The following MAST4 variants were observed in gnomAD, a reference collection of about 807,000 sequenced individuals.
MAST4 encodes microtubule-associated serine/threonine-protein kinase 4.
A neutral mutation model predicts 162.7 loss-of-function variants in MAST4; 89 were observed. The ratio of observed to expected loss-of-function variants is 0.55; its 90% CI spans 0.46 to 0.65. MAST4 has a LOEUF of 0.65. MAST4 is among the 30% of genes least tolerant of loss of function. MAST4 has a pLI of 0.00. For missense variants in MAST4, 3,153 were observed against 3,374.0 expected, an observed-to-expected ratio of 0.93 and a Z score of 1.62; for synonymous variants, 1,479 against 1,361.1, an observed-to-expected ratio of 1.09 and a Z score of -1.91.
intron 1 of MAST4, among the ~76,000 whole-genome samples, chr5:66,635,694 C>CTT (rs201432419): frequency 2.1e-5 from 3 of 145,566 alleles, no homozygotes; most frequent in African/African-American, 7.5e-5. Context: ...TTTTCTTTTT[C>CTT]TTTTTTTTTT....
In MAST4 at chr5:67,166,943, CCCAAACACT is replaced by C; in HGVS notation, c.7765_7773del (p.Pro2589_Thr2591del). ...GAGACGTGACCAAGCCATCCCCAGCCCCAAACACTGACCGCCCCATCTCTCTTTCTAATG... is the reference window on the plus strand; with the variant it reads ...GAGACGTGACCAAGCCATCCCCAGCCGACCGCCCCATCTCTCTTTCTAATG... On this transcript the variant is annotated inframe_deletion, in exon 29 of 29. Coordinates refer to ENST00000403625, the MANE Select transcript of MAST4 (RefSeq NM_001164664.2). 1 of 1,612,436 alleles carries C rather than the reference CCCAAACACT, an allele frequency of 6.2e-7. No homozygotes were observed. The highest frequency in any genetic ancestry group is 1.1e-5 in the South Asian group (1 of 90,814).
chr5:66,757,970 G>A (rs1356018898), intron 1 of MAST4, among the ~76,000 whole-genome samples: 1 of 151,990 alleles, frequency 6.6e-6, no homozygotes, highest in Non-Finnish European at 1.5e-5. Flanking sequence ...CTCCTTGGAG[G>A]CCCTCCTAAA....
Position 67,164,413 on chromosome 5 carries a change from C to T in MAST4, c.5234C>T (p.Thr1745Ile). The T allele has an allele frequency of 6.2e-7, 1 of 1,614,036 alleles. No homozygotes were observed. ...ASESRAFVSS[T>I]HAAQMSAVSF... ...GAGAGCCGAGCTTTTGTCAGCAGCA[C>T]CCATGCAGCTCAGATGAGTGCCGTC... The change falls in exon 29 of 29, where the codon ACC (threonine) becomes ATC (isoleucine). Residue 1745 changes from threonine to isoleucine, a missense_variant. Transcript: ENST00000403625. This position sits in a 1 kb window ranked among gnomAD's most constrained non-coding sequence, Gnocchi z 5.3.
chr5:66,959,192 C>G, intron 4 of MAST4: 1 of 778,948 alleles, frequency 1.3e-6, no homozygotes, highest in Non-Finnish European at 2.4e-6. Flanking sequence ...ATCACCGGGA[C>G]GCTGGCAGGG....
rs114289668 is a variant in MAST4 at position 66,725,386 on chromosome 5, A to G, written c.364-34323A>G. 8.7e-3 allele frequency among the ~76,000 whole-genome samples: 1,061 copies of G among 121,646 alleles called. 9 individuals are homozygous for G. The highest frequency in any genetic ancestry group is 0.04 in the African/African-American group (1,021 of 25,828). 79.8% of individuals were successfully genotyped at this position (121,646 alleles called of 152,430 possible). On this transcript the variant is annotated intron_variant, in intron 1 of 28. Coordinates refer to ENST00000403625, the MANE Select transcript of MAST4 (RefSeq NM_001164664.2). ...TGGATGTGCCTATGACTTGTTGTCA[A>G]ATAAAAGCCTCCTTCCCCAAAGAAT...
chr5:66,647,771 C>T (rs1745937306), intron 1 of MAST4, among the ~76,000 whole-genome samples: 1 of 152,026 alleles, frequency 6.6e-6, no homozygotes, highest in South Asian at 2.1e-4. Flanking sequence ...TTGCCACTGG[C>T]AGGCCATAAA....
chr5:67,086,208 C>T (rs1763215835), intron 5 of MAST4, among the ~76,000 whole-genome samples: 1 of 152,164 alleles, frequency 6.6e-6, no homozygotes, highest in African/African-American at 2.4e-5. Flanking sequence ...TCCTCCAGTC[C>T]TGATAGAAAT....
chr5:66,631,423 T>G (rs1744786654), intron 1 of MAST4, among the ~76,000 whole-genome samples: 1 of 152,200 alleles, frequency 6.6e-6, no homozygotes, highest in Non-Finnish European at 1.5e-5. Context: ...TTTCAAAATC[T>G]GAATCTCTTA....
At chr5:66,613,301 A>G (rs1478390442) in intron 1 of MAST4, among the ~76,000 whole-genome samples, 5 of 148,492 alleles carry the variant, frequency 3.4e-5, no homozygotes, top group African/African-American at 9.9e-5. Flanking sequence ...AGTATGTTTG[A>G]TAAGAATTTA....
At chr5:66,707,646 T>C (rs1478101351) in intron 1 of MAST4, among the ~76,000 whole-genome samples, 1 of 152,136 alleles carries the variant, frequency 6.6e-6, no homozygotes, top group Non-Finnish European at 1.5e-5. Flanking sequence ...TCATATTGGA[T>C]TAGATACTTA....
intron 4 of MAST4, among the ~76,000 whole-genome samples, chr5:66,928,246 A>C (rs1274066524): frequency 6.6e-6 from 1 of 152,214 alleles, no homozygotes; most frequent in Non-Finnish European, 1.5e-5. Flanking sequence ...GCCAGTAGAC[A>C]TGGCCCAATT....
chr5:66,845,085 T>TTATATTTATATA (rs1554058454), intron 3 of MAST4, among the ~76,000 whole-genome samples: 5 of 57,970 alleles, frequency 8.6e-5, no homozygotes, highest in South Asian at 9.5e-4. Context: ...TCACTAATCT[T>TTATATTTATATA]TATATATATA....
At chr5:67,086,164 G>T (rs554214153) in intron 5 of MAST4, among the ~76,000 whole-genome samples, 54 of 152,296 alleles carry the variant, frequency 3.5e-4, no homozygotes, top group Non-Finnish European at 6.9e-4. Flanking sequence ...GATCCACCAG[G>T]AGTTTAAATA....
chr5:67,086,803 C>T (rs994740394), intron 5 of MAST4, among the ~76,000 whole-genome samples: 4 of 152,156 alleles, frequency 2.6e-5, no homozygotes, highest in Non-Finnish European at 2.9e-5. Flanking sequence ...GTATAAGACT[C>T]GGGTTTCACT....
intron 1 of MAST4, among the ~76,000 whole-genome samples, chr5:66,625,467 A>G (rs2149413543): frequency 6.6e-6 from 1 of 152,344 alleles, no homozygotes; most frequent in East Asian, 1.9e-4. Context: ...CATCCAAAAT[A>G]TATGAAGAGT....
At chr5:66,619,892 A>G (rs1012499047) in intron 1 of MAST4, among the ~76,000 whole-genome samples, 3 of 151,750 alleles carry the variant, frequency 2.0e-5, no homozygotes, top group Non-Finnish European at 4.4e-5. Context: ...TGAGTCCTAT[A>G]AAGAAAAAAG....
At chr5:66,739,852 T>TTTG (rs1294084863) in intron 1 of MAST4, among the ~76,000 whole-genome samples, 2 of 151,976 alleles carry the variant, frequency 1.3e-5, no homozygotes, top group African/African-American at 4.8e-5. Flanking sequence ...TCTTGTTTTT[T>TTTG]TTTTTTTTTT....
At chr5:66,775,695 A>G (rs1455027552) in intron 2 of MAST4, among the ~76,000 whole-genome samples, 2 of 152,074 alleles carry the variant, frequency 1.3e-5, no homozygotes, top group Admixed American at 1.3e-4. Context: ...TTTGCTTTGA[A>G]ACCAGGCAGA....
chr5:67,055,647 G>A (rs886447657), intron 5 of MAST4, among the ~76,000 whole-genome samples: 3 of 152,142 alleles, frequency 2.0e-5, no homozygotes, highest in African/African-American at 7.2e-5. Flanking sequence ...ATAAAATTAT[G>A]ACACTGTAAA....
Sources: gnomAD v4.1 joint callset for allele counts (sites outside exome capture counted in the v4.1 genomes callset) on GRCh38, gnomAD v4.1.1 for gene constraint, Gnocchi (gnomAD v3.1) non-coding constraint, MANE v1.5 for transcripts, NCBI Gene and HGNC (gene_info 2026-07-23, HGNC 2026-07-21) for gene names.